Variants in TRAPPC9 observed in about 807,000 individuals in gnomAD.
The protein encoded by TRAPPC9 is IKK2 binding protein.
In TRAPPC9, 83 loss-of-function variants were observed where a neutral mutation model predicts 124.0. The observed-to-expected ratio is 0.67, with a 90% confidence interval of 0.56 to 0.80. TRAPPC9 has a LOEUF of 0.80. TRAPPC9 is among the 30% of genes least tolerant of loss of function. The probability of loss-of-function intolerance (pLI) is 0.00; values close to 1 mark genes in which losing one functional copy is unlikely to be tolerated. For synonymous variants in TRAPPC9, 638 were observed against 617.5 expected (o/e 1.03, Z -0.49); for missense variants, 1,302 against 1,508.3 (o/e 0.86, Z 2.27).
At chr8:140,106,476 A>T (rs1256492167) in intron 17 of TRAPPC9, among the ~76,000 whole-genome samples, 1 of 152,256 alleles carries the variant, frequency 6.6e-6, no homozygotes, top group Non-Finnish European at 1.5e-5. Flanking sequence ...GGCCTTGCCA[A>T]GATGCCCGCA....
intron 21 of TRAPPC9, among the ~76,000 whole-genome samples, chr8:139,756,252 G>A (rs1281014561): frequency 1.8e-4 from 25 of 136,010 alleles, no homozygotes; most frequent in African/African-American, 6.9e-4. Flanking sequence ...GATGAGGACA[G>A]CAGGTCGCAG....
At chr8:140,037,879 AACACACAC>A (rs10560088) in intron 17 of TRAPPC9, among the ~76,000 whole-genome samples, 10 of 90,684 alleles carry the variant, frequency 1.1e-4, no homozygotes, top group East Asian at 3.3e-4. Flanking sequence ...ACACACCTCC[AACACACAC>A]ACACACACAC....
chr8:140,415,784 CAT>C (rs2069907057), intron 5 of TRAPPC9, among the ~76,000 whole-genome samples: 1 of 152,004 alleles, frequency 6.6e-6, no homozygotes. Flanking sequence ...GGCTTGGTAA[CAT>C]AGAGAGACCC....
chr8:140,082,229 G>A (rs1843869640), intron 17 of TRAPPC9: 1 of 148,884 alleles, frequency 6.7e-6, no homozygotes, highest in Non-Finnish European at 1.5e-5. Context: ...ATGTTTTTCT[G>A]ACCTGGGCCC....
At chr8:140,240,528 C>T (rs1587993965) in intron 16 of TRAPPC9, among the ~76,000 whole-genome samples, 1 of 152,208 alleles carries the variant, frequency 6.6e-6, no homozygotes, top group Non-Finnish European at 1.5e-5. Context: ...GCCTGCCATA[C>T]ACAGGTAGGT....
chr8:140,365,445 A>G (rs2068082349), intron 8 of TRAPPC9, among the ~76,000 whole-genome samples: 1 of 152,252 alleles, frequency 6.6e-6, no homozygotes, highest in Admixed American at 6.5e-5. Context: ...GCCATTTACC[A>G]TGAGGCCACA....
chr8:140,101,541 G>GTTTTT (rs11387005), intron 17 of TRAPPC9, among the ~76,000 whole-genome samples: 1 of 114,958 alleles, frequency 8.7e-6, no homozygotes, highest in African/African-American at 3.4e-5. Flanking sequence ...TCTTTTTTTT[G>GTTTTT]TTTTTTTTTT....
intron 1 of TRAPPC9, among the ~76,000 whole-genome samples, chr8:140,456,362 A>G (rs2071664755): frequency 6.6e-6 from 1 of 152,034 alleles, no homozygotes; most frequent in Admixed American, 6.6e-5. Flanking sequence ...CAGTGAGCCA[A>G]GATCGTGCCA....
At chr8:139,889,553 G>A (rs996622836) in intron 20 of TRAPPC9, among the ~76,000 whole-genome samples, 18 of 152,328 alleles carry the variant, frequency 1.2e-4, no homozygotes, top group Non-Finnish European at 2.1e-4. Context: ...GAAAAAGTTC[G>A]GGAAGCAGAT....
intron 16 of TRAPPC9, among the ~76,000 whole-genome samples, chr8:140,244,064 G>C (rs1432126146): frequency 1.3e-5 from 2 of 152,216 alleles, no homozygotes; most frequent in Non-Finnish European, 2.9e-5. Context: ...CTGATGATCT[G>C]AGGTGGAAGA....
rs2131923655 is a variant in TRAPPC9, at chr8:140,024,098, A to C, written c.2557-19T>G. The C allele has an allele frequency of 1.2e-6, 2 of 1,612,552 alleles. No homozygotes were observed. Among genetic ancestry groups the C allele is most frequent in the Middle Eastern group, 3.3e-4 (2 of 6,062 alleles). On this transcript the variant is annotated intron_variant, in intron 17 of 22. Transcript: ENST00000438773. Reference sequence around the variant, plus strand: ...CCAGGGTCTAAAAGATATTAAAAAAAAAAATACACACACACACATTAGTAA... The same window carrying C: ...CCAGGGTCTAAAAGATATTAAAAAACAAAATACACACACACACATTAGTAA...
At chr8:140,229,915 A>T (rs148047884) in intron 16 of TRAPPC9, among the ~76,000 whole-genome samples, 154 of 152,320 alleles carry the variant, frequency 1.0e-3, no homozygotes, top group African/African-American at 3.5e-3. Flanking sequence ...ACAAAGCAAC[A>T]TCACATAGGC....
At chr8:140,434,828 T>C (rs1259565525) in intron 4 of TRAPPC9, among the ~76,000 whole-genome samples, 1 of 151,932 alleles carries the variant, frequency 6.6e-6, no homozygotes, top group African/African-American at 2.4e-5. Context: ...AAATTAGCCA[T>C]GTGTGGTGGC....
chr8:140,429,800 A>C (rs1300108898), intron 4 of TRAPPC9, among the ~76,000 whole-genome samples: 1 of 150,368 alleles, frequency 6.7e-6, no homozygotes, highest in Non-Finnish European at 1.5e-5. Context: ...GTGAGACTCT[A>C]TCTCAAAAAA....
At chr8:140,015,255 A>C (rs1839389502) in intron 18 of TRAPPC9, among the ~76,000 whole-genome samples, 1 of 152,230 alleles carries the variant, frequency 6.6e-6, no homozygotes, top group Non-Finnish European at 1.5e-5. Context: ...GTCACCTGCA[A>C]GCTGTGTGAA....
Position 140,081,348 on chromosome 8 carries a change from T to A in TRAPPC9, c.2557-57269A>T, listed in dbSNP as rs1156540908. 1.9e-3 allele frequency among the ~76,000 whole-genome samples: 289 copies of A among 148,676 alleles called. 2 individuals are homozygous for A. Among genetic ancestry groups the A allele is most frequent in the African/African-American group, 6.8e-3 (273 of 40,124 alleles). Reference sequence around the variant, plus strand: ...CAAGGTGAAGAATAAAATGAATGCTTTTTTTTTTTTTTTTTGAGACAGAGT... The same window carrying A: ...CAAGGTGAAGAATAAAATGAATGCTATTTTTTTTTTTTTTTGAGACAGAGT... On this transcript the variant is annotated intron_variant, in intron 17 of 22. Coordinates refer to ENST00000438773, the MANE Select transcript of TRAPPC9 (RefSeq NM_001160372.4).
chr8:139,948,275 A>G (rs921403632), intron 19 of TRAPPC9, among the ~76,000 whole-genome samples: 17 of 151,728 alleles, frequency 1.1e-4, no homozygotes, highest in African/African-American at 3.9e-4. Flanking sequence ...ACACACACAC[A>G]CACACACACA....
At chr8:139,870,824 T>C (rs1828854605) in intron 21 of TRAPPC9, among the ~76,000 whole-genome samples, 1 of 152,224 alleles carries the variant, frequency 6.6e-6, no homozygotes. Flanking sequence ...TGAAGTATGT[T>C]TGTGCATATT....
At chr8:139,976,767 C>T (rs1248697634) in intron 19 of TRAPPC9, among the ~76,000 whole-genome samples, 2 of 152,230 alleles carry the variant, frequency 1.3e-5, no homozygotes, top group South Asian at 4.1e-4. Flanking sequence ...GCTGCCATCC[C>T]GGTGCCCTTC....
Sources: allele counts gnomAD v4.1 joint callset (sites outside exome capture counted in the v4.1 genomes callset), GRCh38; gene constraint gnomAD v4.1.1; transcripts MANE v1.5; gene names NCBI Gene and HGNC (gene_info 2026-07-23, HGNC 2026-07-21).